The following WNT10A variants were observed in gnomAD, a reference collection of about 807,000 sequenced individuals.
The protein encoded by WNT10A is protein Wnt-10a.
WNT10A carries 37 observed loss-of-function variants against 36.1 expected under a neutral mutation model. The observed-to-expected ratio is 1.02, with a 90% CI of 0.79 to 1.35. The LOEUF is 1.35. Ranked by LOEUF, WNT10A falls within the 40% of genes most tolerant of loss-of-function variation. The probability of loss-of-function intolerance (pLI) is 0.00; values close to 1 mark genes in which losing one functional copy is unlikely to be tolerated. For missense variants in WNT10A, 613 were observed against 601.4 expected, an observed-to-expected ratio of 1.02 and a Z score of -0.20; for synonymous variants, 255 against 254.1, an observed-to-expected ratio of 1.00 and a Z score of -0.03.
At chr2:218,875,159 C>CTTTTTTTTTTTTTTTTTTTTTTTTTTTT in the WNT10A span, among the ~76,000 whole-genome samples, 2 of 36,864 alleles carry the variant, frequency 5.4e-5, 1 homozygote, top group Non-Finnish European at 1.2e-4. Context: ...GACTGACTTT[C>CTTTTTTTTTTTTTTTTTTTTTTTTTTTT]TTTTTTTTTT....
At chr2:218,879,486 C>T (rs1478498034), upstream of WNT10A, among the ~76,000 whole-genome samples, 2 of 152,256 alleles carry the variant, frequency 1.3e-5, no homozygotes, top group African/African-American at 4.8e-5. Context: ...TTCCCCTGCC[C>T]TCTGGCTCTC....
upstream of WNT10A, among the ~76,000 whole-genome samples, chr2:218,879,913 G>T (rs958835008): frequency 5.9e-5 from 9 of 152,198 alleles, no homozygotes; most frequent in African/African-American, 2.2e-4. Flanking sequence ...GCGCTCCTAC[G>T]CAAGCATTTT....
At position 218,882,330 on chromosome 2, in the gene WNT10A, G is replaced by A. The variant is rs318240759; in HGVS notation, c.283G>A (p.Glu95Lys). 1.1e-5 allele frequency: 18 copies of A among 1,613,982 alleles called. No individual in the cohort carries two copies. Among genetic ancestry groups the A allele is most frequent in the Admixed American group, 3.3e-5 (2 of 59,998 alleles). The change falls in exon 2 of 4, where the codon GAA becomes AAA. Residue 95 changes from glutamate (E) to lysine (K), a missense_variant. By Grantham distance (56) the Glu-to-Lys change is moderately conservative (BLOSUM62 1). Transcript: ENST00000258411. The part of the protein sequence containing the change: ...AIQGIQIAIH[E>K]CQHQFRDQRW... Reference sequence around the variant, plus strand: ...ACAGGGCATCCAGATCGCCATCCACGAATGCCAACACCAATTCAGGGACCA... The same window carrying A: ...ACAGGGCATCCAGATCGCCATCCACAAATGCCAACACCAATTCAGGGACCA...
intron 2 of WNT10A, among the ~76,000 whole-genome samples, chr2:218,887,676 T>C (rs1944595328): frequency 6.6e-6 from 1 of 152,144 alleles, no homozygotes; most frequent in Non-Finnish European, 1.5e-5. Context: ...CTAAAGTGGG[T>C]CATGAGCTGC....
intron 2 of WNT10A, among the ~76,000 whole-genome samples, chr2:218,882,947 G>GA (rs1944535062): frequency 6.6e-6 from 1 of 152,224 alleles, no homozygotes; most frequent in Non-Finnish European, 1.5e-5. Flanking sequence ...GCTGCCTCTG[G>GA]AAAACCCTCT....
At chr2:218,881,710 GTC>G (rs1041362666) in intron 1 of WNT10A, among the ~76,000 whole-genome samples, 3 of 152,194 alleles carry the variant, frequency 2.0e-5, no homozygotes, top group African/African-American at 7.2e-5. Flanking sequence ...TTGTGTGTGT[GTC>G]TGTAACTATG....
chr2:218,888,415 G>T (rs1046616711), intron 2 of WNT10A, among the ~76,000 whole-genome samples: 2 of 152,246 alleles, frequency 1.3e-5, no homozygotes, highest in African/African-American at 4.8e-5. Flanking sequence ...TGGCCAGGCC[G>T]GCCTAGCCGC....
At chr2:218,886,951 C>T (rs1473081331) in intron 2 of WNT10A, among the ~76,000 whole-genome samples, 11 of 152,102 alleles carry the variant, frequency 7.2e-5, no homozygotes, top group African/African-American at 1.4e-4. Context: ...TTCTCTGCCG[C>T]GGTGGGGTAC....
chr2:218,893,009 C>A lies in WNT10A; in HGVS notation c.992C>A (p.Ala331Asp), dbSNP rs757173906. ...GGCGCTCCCGGGCCGCGCCGACGGG[C>A]CAGCCCCGCCGACCTGGTCTACTTC... The part of the protein sequence containing the change: ...APGAPGPRRR[A>D]SPADLVYFEK... The change falls in exon 4 of 4, where the codon GCC (alanine) becomes GAC (aspartate). Residue 331 changes from alanine (A) to aspartate (D), a missense_variant. Physicochemically the swap from Ala to Asp is moderately radical, Grantham distance 126 (BLOSUM62 -2). Transcript: ENST00000258411. This position sits in a 1 kb window ranked among gnomAD's most constrained non-coding sequence, Gnocchi z 6.3. 27 of 1,577,996 alleles carry A rather than the reference C, an allele frequency of 1.7e-5. No homozygotes were observed. The highest frequency in any genetic ancestry group is 2.3e-5 in the Non-Finnish European group (27 of 1,171,578).
intron 3 of WNT10A, among the ~76,000 whole-genome samples, chr2:218,891,747 C>A (rs1944653302): frequency 6.6e-6 from 1 of 152,208 alleles, no homozygotes; most frequent in African/African-American, 2.4e-5. Flanking sequence ...GCTGCGCATG[C>A]ACGCTGTGGA....
At chr2:218,883,793 A>C in intron 2 of WNT10A, 1 of 130,220 alleles carries the variant, frequency 7.7e-6, no homozygotes, top group Non-Finnish European at 1.6e-5. Context: ...GCTGCCCGGG[A>C]CCCCCGGGTC....
intron 3 of WNT10A, 71 bp downstream of exon 3, chr2:218,890,434 C>T (rs971860740): frequency 6.3e-7 from 1 of 1,593,946 alleles, no homozygotes; most frequent in Middle Eastern, 1.7e-4. Context: ...TGGCCTACCT[C>T]TCTTCTGAGG....
At chr2:218,876,302 G>A (rs1944452987), upstream of WNT10A, among the ~76,000 whole-genome samples, 1 of 152,196 alleles carries the variant, frequency 6.6e-6, no homozygotes, top group Non-Finnish European at 1.5e-5. Flanking sequence ...GGTGGGGCAG[G>A]CACAGGGAGC....
chr2:218,875,155 C>CTTT, the WNT10A span, among the ~76,000 whole-genome samples: 1 of 62,738 alleles, frequency 1.6e-5, no homozygotes, highest in Non-Finnish European at 3.4e-5. Flanking sequence ...ATAAGACTGA[C>CTTT]TTTCTTTTTT....
chr2:218,890,730 T>C (rs556582762), intron 3 of WNT10A, among the ~76,000 whole-genome samples: 22 of 152,130 alleles, frequency 1.4e-4, no homozygotes, highest in South Asian at 4.1e-4. Context: ...AGTGACAAGG[T>C]TGAACTAGAT....
chr2:218,888,800 G>A (rs902865201), intron 2 of WNT10A, among the ~76,000 whole-genome samples: 3 of 152,166 alleles, frequency 2.0e-5, no homozygotes, highest in East Asian at 1.9e-4. Flanking sequence ...GGAGCTGACC[G>A]TCTCCTCTTA....
In WNT10A at chr2:218,890,134, G is replaced by A. The variant is rs757786591; in HGVS notation, c.527G>A (p.Arg176His). Residue 176 changes from arginine to histidine, a missense_variant, in exon 3 of 4, where the codon CGC (arginine) becomes CAC (histidine). Arg to His is a conservative substitution (Grantham distance 29, BLOSUM62 0). Coordinates refer to ENST00000258411, the MANE Select transcript of WNT10A (RefSeq NM_025216.3). ...DEEAFRRKLH[R>H]LQLDALQRGK... ...GAGGCCTTCCGTAGGAAGCTGCACC[G>A]CTTACAACTGGATGCACTGCAGCGT... The A allele has an allele frequency of 2.2e-5, 36 of 1,614,162 alleles. No homozygotes were observed. The Middle Eastern group carries it at 1.5e-3, about 67-fold the overall frequency.
rs1031181831 is a variant in WNT10A, at chr2:218,893,528, T to C, written c.*257T>C. On this transcript the variant is annotated 3_prime_UTR_variant, in exon 4 of 4. Coordinates refer to ENST00000258411, the MANE Select transcript of WNT10A (RefSeq NM_025216.3). This position sits in a 1 kb window ranked among gnomAD's most constrained non-coding sequence, Gnocchi z 6.3. Reference sequence around the variant, plus strand: ...CCTCCCCGAAGCCCAGACAGTTCAGTTGGGCTGGGGGTTGCTCCACACCCT... The same window carrying C: ...CCTCCCCGAAGCCCAGACAGTTCAGCTGGGCTGGGGGTTGCTCCACACCCT... The C allele has an allele frequency of 5.1e-5, 23 of 451,044 alleles. No homozygotes were observed. The highest frequency in any genetic ancestry group is 6.8e-5 in the Non-Finnish European group (18 of 264,456). 27.9% of individuals were successfully genotyped at this position (451,044 alleles called of 1,614,324 possible).
rs1282187686 is a variant in WNT10A, at chr2:218,890,351, A to G, written c.744A>G (p.Arg248=). Residue 248 remains arginine, a synonymous_variant, in exon 3 of 4, where the codon CGA becomes CGG. Coordinates refer to ENST00000258411, the MANE Select transcript of WNT10A (RefSeq NM_025216.3). ...IHARMRLHNN[R]VGRQAVMENM... is the part of the protein sequence containing the mutation. ...CGAGAATGAGGCTTCACAACAACCG[A>G]GTTGGGAGGCAGGTGAGAGCCCCAC... The G allele has an allele frequency of 1.9e-6, 3 of 1,599,888 alleles. No homozygotes were observed. The highest frequency in any genetic ancestry group is 1.7e-5 in the Admixed American group (1 of 60,016).
Sources: gnomAD v4.1 joint callset for allele counts (sites outside exome capture counted in the v4.1 genomes callset) on GRCh38, gnomAD v4.1.1 for gene constraint, Gnocchi (gnomAD v3.1) non-coding constraint, MANE v1.5 for transcripts, NCBI Gene and HGNC (gene_info 2026-07-23, HGNC 2026-07-21) for gene names.